The following MYO3B variants were observed in gnomAD, a reference collection of about 807,000 sequenced individuals.
MYO3B encodes myosin-IIIb.
Under a neutral mutation model 174.6 loss-of-function variants are expected in MYO3B, and 156 were observed. The ratio of observed to expected loss-of-function variants is 0.89; its 90% CI spans 0.78 to 1.02. The LOEUF (loss-of-function observed/expected upper bound fraction) is 1.02. MYO3B is among the 50% of genes least tolerant of loss of function. MYO3B has a pLI of 0.00. For synonymous variants in MYO3B, 563 were observed against 569.1 expected, an observed-to-expected ratio of 0.99 and a Z score of 0.15; for missense variants, 1,632 against 1,639.4, an observed-to-expected ratio of 1.00 and a Z score of 0.08.
chr2:170,495,225 A>G (rs1213844365), intron 25 of MYO3B, among the ~76,000 whole-genome samples: 1 of 152,232 alleles, frequency 6.6e-6, no homozygotes, highest in Non-Finnish European at 1.5e-5. Flanking sequence ...TCCCTTCCTG[A>G]TGGACCTCTT....
At chr2:170,542,443 A>G (rs925975681) in intron 30 of MYO3B, among the ~76,000 whole-genome samples, 4 of 152,222 alleles carry the variant, frequency 2.6e-5, no homozygotes, top group Admixed American at 6.5e-5. Context: ...ATTTTAAAAG[A>G]TTATTCCTGC....
chr2:170,413,048 A>G (rs2094555926), intron 22 of MYO3B, among the ~76,000 whole-genome samples: 1 of 152,268 alleles, frequency 6.6e-6, no homozygotes, highest in African/African-American at 2.4e-5. Context: ...CCAGAGATCA[A>G]TAGTGCCAAA....
At chr2:170,379,167 T>C (rs73018918) in intron 9 of MYO3B, among the ~76,000 whole-genome samples, 358 of 151,322 alleles carry the variant, frequency 2.4e-3, no homozygotes, top group African/African-American at 8.1e-3. Context: ...ATATGGTAAT[T>C]TAATTATTTC....
intron 7 of MYO3B, among the ~76,000 whole-genome samples, chr2:170,272,816 C>A (rs542101328): frequency 6.6e-6 from 1 of 152,082 alleles, no homozygotes; most frequent in South Asian, 2.1e-4. Flanking sequence ...TGCCATGGGA[C>A]GATGTAGCAA....
intron 9 of MYO3B, among the ~76,000 whole-genome samples, chr2:170,378,142 G>A (rs995935943): frequency 6.6e-6 from 1 of 151,906 alleles, no homozygotes; most frequent in African/African-American, 2.4e-5. Flanking sequence ...ATAAAACAAC[G>A]TAACGCTTTT....
intron 23 of MYO3B, among the ~76,000 whole-genome samples, chr2:170,460,577 G>A (rs1380332060): frequency 6.7e-6 from 1 of 149,750 alleles, no homozygotes; most frequent in Admixed American, 6.7e-5. Context: ...ATAAGCATTA[G>A]CATTTCCAGG....
chr2:170,248,646 C>T (rs374845511), intron 7 of MYO3B, among the ~76,000 whole-genome samples: 29 of 152,280 alleles, frequency 1.9e-4, no homozygotes, highest in African/African-American at 6.3e-4. Flanking sequence ...ATCTTAAAAG[C>T]CACCAGTGGC....
At chr2:170,411,241 A>G (rs1322515825) in intron 22 of MYO3B, among the ~76,000 whole-genome samples, 4 of 152,258 alleles carry the variant, frequency 2.6e-5, no homozygotes, top group African/African-American at 7.2e-5. Flanking sequence ...CAAAAAAAGT[A>G]TAGTCATGCA....
At chr2:170,609,712 T>C (rs1695021672) in intron 32 of MYO3B, among the ~76,000 whole-genome samples, 1 of 152,202 alleles carries the variant, frequency 6.6e-6, no homozygotes, top group African/African-American at 2.4e-5. Context: ...GCTGGTAAGG[T>C]GGCCACTGCC....
At chr2:170,491,579 CCA>C (rs1686477897) in intron 25 of MYO3B, among the ~76,000 whole-genome samples, 1 of 152,198 alleles carries the variant, frequency 6.6e-6, no homozygotes, top group Admixed American at 6.5e-5. Flanking sequence ...GTGCCCGCCA[CCA>C]TGCCCGGCTA....
chr2:170,224,173 G>A (rs2092928586), intron 6 of MYO3B, among the ~76,000 whole-genome samples: 1 of 152,052 alleles, frequency 6.6e-6, no homozygotes, highest in Admixed American at 6.6e-5. Context: ...CTATACCAGG[G>A]ACTATGATAG....
intron 7 of MYO3B, among the ~76,000 whole-genome samples, chr2:170,303,084 C>T (rs2093676570): frequency 6.6e-6 from 1 of 152,128 alleles, no homozygotes; most frequent in African/African-American, 2.4e-5. Flanking sequence ...TATTTTAGAG[C>T]TACAACAAAA....
At chr2:170,605,082 C>T (rs147970698) in intron 32 of MYO3B, among the ~76,000 whole-genome samples, 27 of 152,332 alleles carry the variant, frequency 1.8e-4, no homozygotes, top group Admixed American at 3.3e-4. Flanking sequence ...TCCTGAAACA[C>T]ATTATCAGGG....
intron 25 of MYO3B, among the ~76,000 whole-genome samples, chr2:170,473,061 T>A (rs2105986801): frequency 6.6e-6 from 1 of 152,154 alleles, no homozygotes; most frequent in Non-Finnish European, 1.5e-5. Context: ...CAGTGTTTAA[T>A]TAATATTTGT....
chr2:170,558,065 A>G (rs568683458), intron 32 of MYO3B, among the ~76,000 whole-genome samples: 12 of 152,190 alleles, frequency 7.9e-5, no homozygotes, highest in Middle Eastern at 3.4e-3. Flanking sequence ...ACTTTGGGAG[A>G]CCAAGGCGGG....
intron 30 of MYO3B, among the ~76,000 whole-genome samples, chr2:170,530,064 A>T (rs756818733): frequency 1.3e-5 from 2 of 152,222 alleles, no homozygotes; most frequent in Non-Finnish European, 2.9e-5. Flanking sequence ...ATTTGCCATT[A>T]AAAGCTGTTA....
At chr2:170,607,598 A>C (rs1694894599) in intron 32 of MYO3B, among the ~76,000 whole-genome samples, 1 of 152,242 alleles carries the variant, frequency 6.6e-6, no homozygotes, top group African/African-American at 2.4e-5. Flanking sequence ...GAGGCACTTC[A>C]GGGATAGGAA....
chr2:170,222,392 G>A (rs2092910658), intron 6 of MYO3B, among the ~76,000 whole-genome samples: 1 of 152,182 alleles, frequency 6.6e-6, no homozygotes, highest in South Asian at 2.1e-4. Flanking sequence ...TTAAACAACA[G>A]AAATATATTA....
intron 14 of MYO3B, 61 bp downstream of exon 14, chr2:170,387,369 A>T: frequency 6.8e-7 from 1 of 1,463,434 alleles, no homozygotes. Flanking sequence ...AGACTTTGGA[A>T]ATTTTAATGG....
Sources: allele counts gnomAD v4.1 joint callset (sites outside exome capture counted in the v4.1 genomes callset), GRCh38; gene constraint gnomAD v4.1.1; transcripts MANE v1.5; gene names NCBI Gene and HGNC (gene_info 2026-07-23, HGNC 2026-07-21).